The following PWWP3A variants were observed in gnomAD, a reference collection of about 807,000 sequenced individuals.
The protein encoded by PWWP3A is PWWP domain-containing DNA repair factor 3A.
A neutral mutation model predicts 79.0 loss-of-function variants in PWWP3A; 53 were observed. The observed-to-expected ratio is 0.67, with a 90% CI of 0.54 to 0.84. The LOEUF (loss-of-function observed/expected upper bound fraction) is 0.84, where lower values mean the gene tolerates loss of function less well. Among genes scored for constraint, PWWP3A ranks in the 40% least tolerant of loss-of-function variants. PWWP3A has a pLI of 0.00. For missense variants in PWWP3A, 973 were observed against 948.0 expected, an observed-to-expected ratio of 1.03 and a Z score of -0.35; for synonymous variants, 443 against 394.4, an observed-to-expected ratio of 1.12 and a Z score of -1.46.
intron 3 of PWWP3A, 189 bp from the exon 4 acceptor site, chr19:1,358,202 AAAC>A: frequency 6.0e-6 from 3 of 499,432 alleles, no homozygotes. Flanking sequence ...AAAAAAAAAA[AAAC>A]CATTCACCAG....
At chr19:1,373,358 C>T (rs373688447) in intron 13 of PWWP3A, 198 bp downstream of exon 13, 88 of 591,992 alleles carry the variant, frequency 1.5e-4, no homozygotes, top group African/African-American at 8.7e-4. Context: ...AGGCTGTGCC[C>T]GGGTCTCCCA....
At position 1,376,883 on chromosome 19, in the gene PWWP3A, G is replaced by C. The variant is rs1044190041; in HGVS notation, c.*307G>C. On this transcript the variant is annotated 3_prime_UTR_variant, in exon 14 of 14. Transcript: ENST00000591337. ...GTGCGCCAGTACTCCTGGCTGTGCT[G>C]TGGTTTCTCCCGACGTGCACATCGA... is the stretch of plus-strand genomic sequence containing the variant. 3.7e-6 allele frequency: 1 copy of C among 269,652 alleles called. No homozygotes were observed. Among genetic ancestry groups the C allele is most frequent in the African/African-American group, 2.2e-5 (1 of 44,630 alleles). The allele number at this position is 269,652 out of a possible 1,614,324, so 16.7% of individuals were successfully genotyped here. A position where few individuals can be genotyped will look rare whatever the true frequency, so the allele number is the denominator to read the frequency against.
rs1327578107 is a variant in PWWP3A, at chr19:1,378,176, C to CTTGGCCCCCTGCTGGTCGCTGTT, written c.*1601_*1602insTGGCCCCCTGCTGGTCGCTGTTT. 6.6e-6 allele frequency: 1 copy of CTTGGCCCCCTGCTGGTCGCTGTT among 152,308 alleles called. No homozygotes were observed. Among genetic ancestry groups the CTTGGCCCCCTGCTGGTCGCTGTT allele is most frequent in the South Asian group, 2.1e-4 (1 of 4,838 alleles). The allele number at this position is 152,308 out of a possible 1,614,324, so 9.4% of individuals were successfully genotyped here. On this transcript the variant is annotated 3_prime_UTR_variant, in exon 14 of 14. Transcript: ENST00000591337. Reference sequence around the variant, plus strand: ...CCCCTGCTGGTCGCTGTTTCGGGGACTCGGGGCGGCCAGTACCACCGCCTG... The same window carrying CTTGGCCCCCTGCTGGTCGCTGTT: ...CCCCTGCTGGTCGCTGTTTCGGGGACTTGGCCCCCTGCTGGTCGCTGTTTCGGGGCGGCCAGTACCACCGCCTG...
At chr19:1,375,221 CAA>C (rs397793345) in intron 13 of PWWP3A, among the ~76,000 whole-genome samples, 8 of 130,674 alleles carry the variant, frequency 6.1e-5, no homozygotes, top group Admixed American at 2.5e-4. Flanking sequence ...GACTCCGTTT[CAA>C]AAAAAAAAAA....
rs2082410898 is a variant in PWWP3A at position 1,376,688 on chromosome 19, C to G, written c.*112C>G. 1.1e-6 allele frequency: 1 copy of G among 943,160 alleles called. No individual in the cohort carries two copies. Among genetic ancestry groups the G allele is most frequent in the African/African-American group, 1.7e-5 (1 of 60,370 alleles). 58.4% of individuals were successfully genotyped at this position (943,160 alleles called of 1,614,324 possible). On this transcript the variant is annotated 3_prime_UTR_variant, in exon 14 of 14. Transcript: ENST00000591337. Reference sequence around the variant, plus strand: ...GGGGCACGTTTGCGTTTGGACCTGTCTGTGCGTTCTCCTGCGTGGCAGTCC... The same window carrying G: ...GGGGCACGTTTGCGTTTGGACCTGTGTGTGCGTTCTCCTGCGTGGCAGTCC...
At chr19:1,365,061 A>G (rs2082099809) in intron 7 of PWWP3A, among the ~76,000 whole-genome samples, 1 of 152,230 alleles carries the variant, frequency 6.6e-6, no homozygotes. Context: ...TAGAGGTTGC[A>G]GTGAGCCAAG....
intron 2 of PWWP3A, 41 bp downstream of exon 2, chr19:1,356,490 C>T: frequency 6.3e-7 from 1 of 1,594,240 alleles, no homozygotes; most frequent in Non-Finnish European, 8.6e-7. Context: ...TTAGAAATGA[C>T]TTTCGGGTGA....
intron 3 of PWWP3A, 70 bp downstream of exon 3, chr19:1,357,164 C>A: frequency 8.3e-7 from 1 of 1,206,118 alleles, no homozygotes; most frequent in South Asian, 1.4e-5. Flanking sequence ...CCCCTACTCC[C>A]CCAAAACAGT....
At position 1,360,270 on chromosome 19, in the gene PWWP3A, C is replaced by T. The variant is rs189340337; in HGVS notation, c.349C>T (p.Arg117Trp). The T allele has an allele frequency of 1.2e-5, 20 of 1,614,048 alleles. No individual in the cohort carries two copies. The highest frequency in any genetic ancestry group is 5.0e-5 in the Admixed American group (3 of 60,002). ...CTCTGCAGGGACAGGTAGAGCTGAC[C>T]GGTCTCTGCGAGGGAAGCCCATGGA... ...ESSAGTGRAD[R>W]SLRGKPMEHV... The change falls in exon 5 of 14, where the codon CGG becomes TGG. Residue 117 changes from arginine to tryptophan, a missense_variant. By Grantham distance (101) the Arg-to-Trp change is moderately radical (BLOSUM62 -3). Coordinates refer to ENST00000591337, the MANE Select transcript of PWWP3A (RefSeq NM_001369789.1). The surrounding 1 kb of genome is among the most constrained non-coding windows in gnomAD (Gnocchi z 4.4).
chr19:1,378,194 AC>A lies in PWWP3A; in HGVS notation c.*1620del. 6.6e-6 allele frequency: 1 copy of A among 152,212 alleles called. No individual in the cohort carries two copies. The highest frequency in any genetic ancestry group is 6.5e-5 in the Admixed American group (1 of 15,296). The allele number at this position is 152,212 out of a possible 1,614,324, so 9.4% of individuals were successfully genotyped here. On this transcript the variant is annotated 3_prime_UTR_variant, in exon 14 of 14. Coordinates refer to ENST00000591337, the MANE Select transcript of PWWP3A (RefSeq NM_001369789.1). Reference sequence around the variant, plus strand: ...TCGGGGACTCGGGGCGGCCAGTACCACCGCCTGAGGCGGGGCTCAGCAGCGT... The same window carrying A: ...TCGGGGACTCGGGGCGGCCAGTACCACGCCTGAGGCGGGGCTCAGCAGCGT...
chr19:1,356,341 C>T lies in PWWP3A; in HGVS notation c.-52C>T, dbSNP rs773844507. 1.9e-6 allele frequency: 3 copies of T among 1,586,524 alleles called. No individual in the cohort carries two copies. Among genetic ancestry groups the T allele is most frequent in the Non-Finnish European group, 2.6e-6 (3 of 1,154,912 alleles). On this transcript the variant is annotated 5_prime_UTR_variant, in exon 2 of 14. Transcript: ENST00000591337. The stretch of plus-strand genomic sequence containing the variant: ...CGTTCCAGGACACATTGGCGTGAGA[C>T]CTGGGAGTACGTTGTGCCAAATCAT...
At position 1,368,690 on chromosome 19, in the gene PWWP3A, G is replaced by T. The variant is rs1264475089; in HGVS notation, c.1423-575G>T. Among the ~76,000 whole-genome samples, 1 of 152,230 alleles carries T rather than the reference G, an allele frequency of 6.6e-6. No individual in the cohort carries two copies. The highest frequency in any genetic ancestry group is 1.5e-5 in the Non-Finnish European group (1 of 68,040). On this transcript the variant is annotated intron_variant, in intron 9 of 13. Coordinates refer to ENST00000591337, the MANE Select transcript of PWWP3A (RefSeq NM_001369789.1). The surrounding 1 kb of genome is among the most constrained non-coding windows in gnomAD (Gnocchi z 4.7). ...TGCCAGCCCAGGTGCTGTTAGAGCA[G>T]CCCAGGTGCTGGCCTAGCCTGGCTG...
rs1308475118 is a variant in PWWP3A at position 1,368,847 on chromosome 19, G to A, written c.1423-418G>A. Among the ~76,000 whole-genome samples the A allele has an allele frequency of 2.1e-5, 3 of 142,836 alleles. No homozygotes were observed. Among genetic ancestry groups the A allele is most frequent in the African/African-American group, 5.5e-5 (2 of 36,232 alleles). The allele number at this position is 142,836 out of a possible 152,430, so 93.7% of individuals were successfully genotyped here. A position where few individuals can be genotyped will look rare whatever the true frequency, so the allele number is the denominator to read the frequency against. ...TGCGTTCAGACCAGCCCAAGCCTTC[G>A]GGTCCCCGGTGCCCACCTGCGTTCA... is the stretch of plus-strand genomic sequence containing the variant. On this transcript the variant is annotated intron_variant, in intron 9 of 13. Transcript: ENST00000591337. The surrounding 1 kb of genome is among the most constrained non-coding windows in gnomAD (Gnocchi z 4.7).
chr19:1,357,839 C>G (rs920359287), intron 3 of PWWP3A: 2 of 155,514 alleles, frequency 1.3e-5, no homozygotes, highest in African/African-American at 4.9e-5. Context: ...ACTGATCCCG[C>G]GTAGTCCAAG....
chr19:1,357,066 G>C lies in PWWP3A; in HGVS notation c.115G>C (p.Ala39Pro). ...TAAGAGAAGAAAGGAATATTTTCTA[G>C]CTGTGCAAATCCTCTCTCTAGAGGA... ...KNKRRKEYFL[A>P]VQILSLEEKI... is the part of the protein sequence containing the mutation. Residue 39 changes from alanine (A) to proline (P), a missense_variant, in exon 3 of 14, where the codon GCT becomes CCT. Coordinates refer to ENST00000591337, the MANE Select transcript of PWWP3A (RefSeq NM_001369789.1). The C allele has an allele frequency of 6.2e-7, 1 of 1,613,268 alleles. No homozygotes were observed. The highest frequency in any genetic ancestry group is 8.5e-7 in the Non-Finnish European group (1 of 1,179,764).
Position 1,369,223 on chromosome 19 carries a change from C to A in PWWP3A, c.1423-42C>A, listed in dbSNP as rs939378696. 2 of 1,599,056 alleles carry A rather than the reference C, an allele frequency of 1.3e-6. No individual in the cohort carries two copies. The highest frequency in any genetic ancestry group is 1.7e-6 in the Non-Finnish European group (2 of 1,167,544). ...TGGCTTCTGAACCCAGGGTGCTTGG[C>A]ACTGCCTCCCACTGACGCCTGCTGC... On this transcript the variant is annotated intron_variant, in intron 9 of 13. Coordinates refer to ENST00000591337, the MANE Select transcript of PWWP3A (RefSeq NM_001369789.1). The surrounding 1 kb of genome is among the most constrained non-coding windows in gnomAD (Gnocchi z 4.0).
intron 13 of PWWP3A, chr19:1,373,650 C>T (rs74487071): frequency 0.014 from 2,122 of 156,176 alleles, 56 homozygotes; most frequent in African/African-American, 0.049. Flanking sequence ...TCTGGGCATG[C>T]GGCCAGGCCT....
chr19:1,369,510 C>T lies in PWWP3A; in HGVS notation c.1499-86C>T. The T allele has an allele frequency of 6.4e-7, 1 of 1,553,588 alleles. No individual in the cohort carries two copies. The highest frequency in any genetic ancestry group is 1.1e-5 in the South Asian group (1 of 89,822). On this transcript the variant is annotated intron_variant, in intron 10 of 13. Transcript: ENST00000591337. This position sits in a 1 kb window ranked among gnomAD's most constrained non-coding sequence, Gnocchi z 4.0. The stretch of plus-strand genomic sequence containing the variant: ...TGGCCTGGCCTGATTATTTCCTAAA[C>T]AGAGACGCCGGGCCAGCCCCTGGAA...
Position 1,378,092 on chromosome 19 carries a change from T to G in PWWP3A, c.*1516T>G, listed in dbSNP as rs1025516583. 2.0e-5 allele frequency: 3 copies of G among 152,180 alleles called. No homozygotes were observed. The highest frequency in any genetic ancestry group is 7.2e-5 in the African/African-American group (3 of 41,416). The allele number at this position is 152,180 out of a possible 1,614,324, so 9.4% of individuals were successfully genotyped here. ...CATGCCCGCACGCTGGGGTCTGTCT[T>G]GTCTGGAGCAGTGGGGCACACCCCG... On this transcript the variant is annotated 3_prime_UTR_variant, in exon 14 of 14. Transcript: ENST00000591337.
Sources: allele counts gnomAD v4.1 joint callset (sites outside exome capture counted in the v4.1 genomes callset), GRCh38; gene constraint gnomAD v4.1.1; non-coding constraint Gnocchi (gnomAD v3.1); transcripts MANE v1.5; gene names NCBI Gene and HGNC (gene_info 2026-07-23, HGNC 2026-07-21).